Variants in RPH3A observed in about 807,000 individuals in gnomAD.
RPH3A encodes the protein rabphilin-3A.
In RPH3A, 48 loss-of-function variants were observed where a neutral mutation model predicts 102.2. The observed-to-expected ratio is 0.47, with a 90% CI of 0.37 to 0.60. The LOEUF is 0.60. RPH3A is among the 20% of genes least tolerant of loss of function. The probability of loss-of-function intolerance (pLI) is 0.00; values close to 1 mark genes in which losing one functional copy is unlikely to be tolerated. For missense variants in RPH3A, 781 were observed against 910.1 expected (o/e 0.86, Z 1.83); for synonymous variants, 310 against 324.3 (o/e 0.96, Z 0.47).
intron 1 of RPH3A, among the ~76,000 whole-genome samples, chr12:112,709,894 T>G (rs1451308805): frequency 2.0e-5 from 3 of 152,186 alleles, no homozygotes; most frequent in Non-Finnish European, 4.4e-5. Context: ...GTTTAATTGT[T>G]TGCCCAAGGC....
intron 1 of RPH3A, among the ~76,000 whole-genome samples, chr12:112,658,697 G>A (rs774900358): frequency 1.3e-5 from 2 of 152,172 alleles, no homozygotes; most frequent in South Asian, 2.1e-4. Context: ...CTGATGGATC[G>A]TATGGCTTGT....
At chr12:112,586,703 T>C (rs1023276814) in intron 1 of RPH3A, among the ~76,000 whole-genome samples, 2 of 152,156 alleles carry the variant, frequency 1.3e-5, no homozygotes, top group African/African-American at 2.4e-5. Flanking sequence ...CATGTCCTCA[T>C]GTAATCTTCC....
chr12:112,776,910 A>G (rs7133824), intron 1 of RPH3A, among the ~76,000 whole-genome samples: 84,268 of 112,252 alleles, frequency 0.75, 32,430 homozygotes, highest in Non-Finnish European at 0.78. Flanking sequence ...AAAAAAAAAA[A>G]AGAAAGTGCA....
intron 3 of RPH3A, among the ~76,000 whole-genome samples, chr12:112,832,184 T>C (rs2041981283): frequency 6.6e-6 from 1 of 152,236 alleles, no homozygotes; most frequent in South Asian, 2.1e-4. Context: ...TCTTTACCTC[T>C]GTGCTGTATT....
intron 5 of RPH3A, 124 bp from the exon 6 acceptor site, chr12:112,865,290 A>G: frequency 4.3e-6 from 5 of 1,166,554 alleles, no homozygotes; most frequent in Non-Finnish European, 6.1e-6. Context: ...AGAGTTCACA[A>G]CTGTCATCAG....
chr12:112,866,931 A>T lies in RPH3A; in HGVS notation c.444+91A>T, dbSNP rs559878540. ...TTAAGAGGTTTGTATGAAAGGACCC[A>T]GCTCAGCAGTGAACATTGACAGAAC... is the stretch of plus-strand genomic sequence containing the variant. On this transcript the variant is annotated intron_variant, in intron 7 of 21. Coordinates refer to ENST00000389385, the MANE Select transcript of RPH3A (RefSeq NM_001143854.2). 2.6e-5 allele frequency: 23 copies of T among 901,720 alleles called. 1 individual carries two copies. Among genetic ancestry groups the T allele is most frequent in the Middle Eastern group, 3.2e-4 (1 of 3,104 alleles). The allele number at this position is 901,720 out of a possible 1,614,324, so 55.9% of individuals were successfully genotyped here.
intron 1 of RPH3A, among the ~76,000 whole-genome samples, chr12:112,630,206 T>G (rs771206425): frequency 7.9e-5 from 12 of 152,130 alleles, no homozygotes; most frequent in Non-Finnish European, 1.5e-4. Context: ...TCATAAATAT[T>G]TATTGAGCCT....
intron 1 of RPH3A, among the ~76,000 whole-genome samples, chr12:112,774,900 A>G (rs2040955181): frequency 6.6e-6 from 1 of 152,234 alleles, no homozygotes; most frequent in African/African-American, 2.4e-5. Context: ...GCAGCAAACC[A>G]GCATGGCACA....
intron 1 of RPH3A, among the ~76,000 whole-genome samples, chr12:112,723,310 T>C (rs557216736): frequency 4.6e-5 from 7 of 152,252 alleles, no homozygotes; most frequent in Non-Finnish European, 1.0e-4. Flanking sequence ...ATGTATTGTA[T>C]ACTGTAGTCT....
At chr12:112,880,981 G>A (rs567807933) in intron 14 of RPH3A, among the ~76,000 whole-genome samples, 5 of 152,236 alleles carry the variant, frequency 3.3e-5, no homozygotes, top group African/African-American at 4.8e-5. Flanking sequence ...GAAGAGGAGC[G>A]GTTGGTCTTG....
chr12:112,749,651 C>T (rs750562076), intron 1 of RPH3A, among the ~76,000 whole-genome samples: 1 of 152,144 alleles, frequency 6.6e-6, no homozygotes, highest in Non-Finnish European at 1.5e-5. Context: ...AGCTATATGG[C>T]AATTAATTAA....
At chr12:112,736,733 T>C (rs2040672222) in intron 1 of RPH3A, among the ~76,000 whole-genome samples, 1 of 152,202 alleles carries the variant, frequency 6.6e-6, no homozygotes, top group South Asian at 2.1e-4. Flanking sequence ...TTTTTCTCAC[T>C]CTGGGGCTCT....
chr12:112,854,646 CT>C (rs144428113), intron 5 of RPH3A, among the ~76,000 whole-genome samples: 2,061 of 152,332 alleles, frequency 0.014, 37 homozygotes, highest in East Asian at 0.056. Flanking sequence ...TCTCCAAGCC[CT>C]GTGCTAGGAA....
At chr12:112,661,982 TC>T (rs2040051915) in intron 1 of RPH3A, among the ~76,000 whole-genome samples, 1 of 152,092 alleles carries the variant, frequency 6.6e-6, no homozygotes. Flanking sequence ...TCCCCTCCTC[TC>T]TATACAATGG....
At chr12:112,709,864 G>A (rs1179026913) in intron 1 of RPH3A, among the ~76,000 whole-genome samples, 1 of 152,174 alleles carries the variant, frequency 6.6e-6, no homozygotes, top group Admixed American at 6.5e-5. Flanking sequence ...TTACAGAGGA[G>A]GAAAGTGAGG....
At chr12:112,703,843 G>T (rs1052416869) in intron 1 of RPH3A, among the ~76,000 whole-genome samples, 1 of 152,098 alleles carries the variant, frequency 6.6e-6, no homozygotes. Flanking sequence ...TCATTCAGCC[G>T]CCCTACTATT....
chr12:112,748,907 C>T (rs954067437), intron 1 of RPH3A, among the ~76,000 whole-genome samples: 1 of 151,712 alleles, frequency 6.6e-6, no homozygotes, highest in Admixed American at 6.6e-5. Context: ...TATGCCAATT[C>T]CCAAGATTTA....
At chr12:112,807,862 C>T (rs73198775) in intron 2 of RPH3A, among the ~76,000 whole-genome samples, 22,224 of 152,106 alleles carry the variant, frequency 0.15, 2,091 homozygotes, top group Non-Finnish European at 0.21. Flanking sequence ...CCATTTTCCT[C>T]CCTGGCACTT....
chr12:112,583,243 G>A (rs570415766), intron 1 of RPH3A, among the ~76,000 whole-genome samples: 2 of 152,300 alleles, frequency 1.3e-5, no homozygotes, highest in African/African-American at 2.4e-5. Context: ...TGTTTTAAGA[G>A]TTTGTTCAAT....
Sources: allele counts gnomAD v4.1 joint callset (sites outside exome capture counted in the v4.1 genomes callset), GRCh38; gene constraint gnomAD v4.1.1; transcripts MANE v1.5; gene names NCBI Gene and HGNC (gene_info 2026-07-23, HGNC 2026-07-21).